The following MED13L variants were observed in gnomAD, a reference collection of about 807,000 sequenced individuals.
MED13L encodes mediator complex subunit 13L.
MED13L carries 7 observed loss-of-function variants against 220.9 expected under a neutral mutation model. The ratio of observed to expected loss-of-function variants is 0.03; its 90% CI spans 0.02 to 0.06. The LOEUF is 0.06. MED13L is among the 10% of genes least tolerant of loss of function. The pLI is 1.00. For synonymous variants in MED13L, 1,011 were observed against 1,015.2 expected (o/e 1.00, Z 0.08); for missense variants, 1,965 against 2,760.5 (o/e 0.71, Z 6.46).
chr12:116,174,543 C>T (rs973652489), intron 2 of MED13L: 1 of 151,394 alleles, frequency 6.6e-6, no homozygotes, highest in Non-Finnish European at 1.5e-5. Context: ...AACCTAAGGT[C>T]AAAGCATATC....
intron 4 of MED13L, among the ~76,000 whole-genome samples, chr12:116,033,735 G>C (rs913735380): frequency 6.6e-6 from 1 of 150,932 alleles, no homozygotes. Flanking sequence ...GTTCTCTAAA[G>C]TATGAATCAT....
intron 1 of MED13L, among the ~76,000 whole-genome samples, chr12:116,255,017 G>GA (rs966506699): frequency 1.3e-5 from 2 of 151,776 alleles, no homozygotes; most frequent in Admixed American, 6.6e-5. Context: ...AATCCCCACA[G>GA]AAAAAAAATT....
Position 116,005,981 on chromosome 12 carries a change from T to C in MED13L, c.2357A>G (p.Asp786Gly). 1 of 1,613,948 alleles carries C rather than the reference T, an allele frequency of 6.2e-7. No homozygotes were observed. The highest frequency in any genetic ancestry group is 8.5e-7 in the Non-Finnish European group (1 of 1,179,880). The change falls in exon 13 of 31, where the codon GAT becomes GGT. Residue 786 changes from aspartate to glycine, a missense_variant. Transcript: ENST00000281928. ...SSATKTDVRQ[D>G]NAAGRAGSSS... ...GGAGCCAGCTCTGCCAGCAGCATTA[T>C]CCTGCCGGACATCTGTAGGAAAGGA...
chr12:115,972,034 T>C lies in MED13L; in HGVS notation c.5890+44A>G, dbSNP rs750058343. 3.7e-6 allele frequency: 6 copies of C among 1,601,660 alleles called. No individual in the cohort carries two copies. In the African/African-American group the frequency reaches 8.0e-5, roughly 21 times the overall value. On this transcript the variant is annotated intron_variant, in intron 26 of 30. Transcript: ENST00000281928. ...CGGACTTAAGTTTGAGTGGACTGAA[T>C]TGATGTGATATGTAATTAATGACAA...
rs139898663 is a variant in MED13L at position 116,149,302 on chromosome 12, C to T, written c.311-37790G>A. Among the ~76,000 whole-genome samples, 415 of 152,136 alleles carry T rather than the reference C, an allele frequency of 2.7e-3. 3 individuals carry two copies. The highest frequency in any genetic ancestry group is 4.0e-3 in the Non-Finnish European group (269 of 68,028). ...ATATACAGTTAAGTCTTAGACCCCA[C>T]TAGATTAATTAAAGGCTGATCAGAA... On this transcript the variant is annotated intron_variant, in intron 2 of 30. Coordinates refer to ENST00000281928, the MANE Select transcript of MED13L (RefSeq NM_015335.5).
intron 1 of MED13L, among the ~76,000 whole-genome samples, chr12:116,266,636 T>C (rs1365951868): frequency 1.3e-5 from 2 of 152,242 alleles, no homozygotes; most frequent in Admixed American, 1.3e-4. Context: ...AGTTTTATAA[T>C]AGACCTAATT....
chr12:116,263,317 CA>C (rs1304687772), intron 1 of MED13L, among the ~76,000 whole-genome samples: 1 of 151,438 alleles, frequency 6.6e-6, no homozygotes, highest in East Asian at 1.9e-4. Flanking sequence ...ATCTGAAGAC[CA>C]AAAAAAGTAA....
intron 2 of MED13L, among the ~76,000 whole-genome samples, chr12:116,196,890 C>T (rs1245028165): frequency 1.3e-5 from 2 of 152,158 alleles, no homozygotes; most frequent in South Asian, 2.1e-4. Context: ...ATTAGACAGA[C>T]ATGTCTTCAA....
At chr12:116,199,850 A>G (rs200000758) in intron 2 of MED13L, among the ~76,000 whole-genome samples, 45 of 152,320 alleles carry the variant, frequency 3.0e-4, no homozygotes, top group East Asian at 1.9e-3. Flanking sequence ...ATACCTTTAT[A>G]CACTAAAGAG....
chr12:116,045,222 A>C (rs1881761983), intron 4 of MED13L, among the ~76,000 whole-genome samples: 1 of 152,132 alleles, frequency 6.6e-6, no homozygotes, highest in African/African-American at 2.4e-5. Flanking sequence ...AAAATGCCTA[A>C]AATCCTTTTG....
intron 23 of MED13L, among the ~76,000 whole-genome samples, chr12:115,976,024 T>C (rs1876912611): frequency 6.6e-6 from 1 of 152,090 alleles, no homozygotes; most frequent in Admixed American, 6.5e-5. Context: ...GTTAGGCAAG[T>C]GGGAAATTGA....
In MED13L at chr12:116,213,080, T is replaced by C. The variant is rs118058717; in HGVS notation, c.310+24388A>G. On this transcript the variant is annotated intron_variant, in intron 2 of 30. Coordinates refer to ENST00000281928, the MANE Select transcript of MED13L (RefSeq NM_015335.5). ...AGAAAAGCCACTTATAAACGAAGCA[T>C]AAAGCCTACTGCTCCCAATTTGCAC... Among the ~76,000 whole-genome samples, 502 of 152,256 alleles carry C rather than the reference T, an allele frequency of 3.3e-3. 3 individuals carry two copies. The highest frequency in any genetic ancestry group is 3.0e-3 in the Non-Finnish European group (204 of 68,018).
intron 4 of MED13L, among the ~76,000 whole-genome samples, chr12:116,044,780 C>T (rs947460664): frequency 6.6e-6 from 1 of 152,156 alleles, no homozygotes; most frequent in African/African-American, 2.4e-5. Context: ...CAGAATAGAA[C>T]AGAACACCAC....
intron 1 of MED13L, among the ~76,000 whole-genome samples, chr12:116,244,277 A>C (rs1870906178): frequency 6.6e-6 from 1 of 152,184 alleles, no homozygotes; most frequent in Admixed American, 6.5e-5. Flanking sequence ...GTAATAGAAA[A>C]CTTCTGTTAA....
chr12:115,986,502 T>C lies in MED13L; in HGVS notation c.4115-13A>G, dbSNP rs748359260. The C allele has an allele frequency of 3.1e-6, 5 of 1,611,608 alleles. No homozygotes were observed. The South Asian group carries it at 3.3e-5, about 11-fold the overall frequency. ...GATTCTTCCGAACCTAAAATGACAT[T>C]GTAGTGTAGAAAGGTGCTAGAGAGT... On this transcript the variant is annotated splice_polypyrimidine_tract_variant and intron_variant, in intron 18 of 30. Transcript: ENST00000281928.
chr12:116,250,721 G>A (rs969369700), intron 1 of MED13L, among the ~76,000 whole-genome samples: 3 of 144,460 alleles, frequency 2.1e-5, no homozygotes, highest in African/African-American at 5.2e-5. Flanking sequence ...AGGTTGCAGT[G>A]AGCTGAGATC....
chr12:116,239,310 G>A (rs1161091253), intron 1 of MED13L, among the ~76,000 whole-genome samples: 1 of 152,132 alleles, frequency 6.6e-6, no homozygotes, highest in South Asian at 2.1e-4. Context: ...TTCCCTATAT[G>A]TTACTTGGTT....
At chr12:115,965,637 A>G (rs961569098) in intron 29 of MED13L, among the ~76,000 whole-genome samples, 4 of 152,230 alleles carry the variant, frequency 2.6e-5, no homozygotes, top group Non-Finnish European at 4.4e-5. Flanking sequence ...TAAAGGAAGG[A>G]GCAAGTGTAA....
At chr12:116,264,454 T>C (rs1001985554) in intron 1 of MED13L, among the ~76,000 whole-genome samples, 1 of 152,176 alleles carries the variant, frequency 6.6e-6, no homozygotes, top group Non-Finnish European at 1.5e-5. Context: ...ATGGAAAATT[T>C]CTAGCTAAAA....
Sources: allele counts gnomAD v4.1 joint callset (sites outside exome capture counted in the v4.1 genomes callset), GRCh38; gene constraint gnomAD v4.1.1; transcripts MANE v1.5; gene names NCBI Gene and HGNC (gene_info 2026-07-23, HGNC 2026-07-21).